FAM169A: variants seen among roughly 807,000 people sequenced by gnomAD.
The protein encoded by FAM169A is soluble lamin-associated protein of 75 kDa.
In FAM169A, 24 loss-of-function variants were observed where a neutral mutation model predicts 75.7. That is an observed-to-expected ratio of 0.32 (90% CI 0.23 to 0.45). FAM169A has a LOEUF of 0.45. Ranked by LOEUF, FAM169A falls within the 20% of genes least tolerant of loss-of-function variation. The pLI is 1.00. For missense variants in FAM169A, 673 were observed against 784.0 expected, an observed-to-expected ratio of 0.86 and a Z score of 1.69; for synonymous variants, 271 against 271.0, an observed-to-expected ratio of 1.00 and a Z score of 0.00.
At chr5:74,796,326 T>A (rs572728253) in intron 10 of FAM169A, 140 bp from the exon 11 acceptor site, 1 of 652,052 alleles carries the variant, frequency 1.5e-6, no homozygotes, top group Admixed American at 3.2e-5. Flanking sequence ...AAAACCAATC[T>A]CTTCATCCTC....
At chr5:74,805,425 A>G in intron 6 of FAM169A, 141 bp from the exon 7 acceptor site, 1 of 500,612 alleles carries the variant, frequency 2.0e-6, no homozygotes, top group South Asian at 4.8e-5. Flanking sequence ...CAACTCAAGT[A>G]TACAGTAGTT....
In FAM169A at chr5:74,816,170, T is replaced by C. The variant is rs527774257; in HGVS notation, c.491-2151A>G. 1.7e-3 allele frequency among the ~76,000 whole-genome samples: 258 copies of C among 152,256 alleles called. 1 individual carries two copies. The highest frequency in any genetic ancestry group is 5.9e-3 in the African/African-American group (245 of 41,542). The stretch of plus-strand genomic sequence containing the variant: ...AATTGAAGGGTTTTCAGAGTAACAA[T>C]AGCAGTGATCATGAAATTAACACAC... On this transcript the variant is annotated intron_variant, in intron 5 of 12. Transcript: ENST00000687041.
At chr5:74,860,472 A>G (rs1024581273) in intron 1 of FAM169A, among the ~76,000 whole-genome samples, 1 of 152,122 alleles carries the variant, frequency 6.6e-6, no homozygotes, top group African/African-American at 2.4e-5. Context: ...CAAGTCCCAA[A>G]TTCAATTGAT....
At chr5:74,811,739 G>T (rs1032213015) in intron 6 of FAM169A, among the ~76,000 whole-genome samples, 24 of 152,128 alleles carry the variant, frequency 1.6e-4, no homozygotes, top group Non-Finnish European at 1.8e-4. Flanking sequence ...ACCCACTAAT[G>T]GTTTTAAATC....
intron 1 of FAM169A, among the ~76,000 whole-genome samples, chr5:74,843,428 G>T (rs916258775): frequency 6.6e-6 from 1 of 152,122 alleles, no homozygotes; most frequent in African/African-American, 2.4e-5. Context: ...CCCTGTCGGA[G>T]ATTAAAACAT....
intron 4 of FAM169A, among the ~76,000 whole-genome samples, chr5:74,835,326 G>A (rs1157503506): frequency 6.6e-6 from 1 of 152,134 alleles, no homozygotes; most frequent in East Asian, 1.9e-4. Context: ...ACACAGGCCA[G>A]TACGGGGACT....
chr5:74,862,492 T>C (rs1400169744), intron 1 of FAM169A, among the ~76,000 whole-genome samples: 1 of 152,228 alleles, frequency 6.6e-6, no homozygotes, highest in East Asian at 1.9e-4. Flanking sequence ...TCACTGCCTC[T>C]GTAAAGCCCT....
chr5:74,792,425 C>T (rs369615504), intron 11 of FAM169A, among the ~76,000 whole-genome samples: 8 of 152,232 alleles, frequency 5.3e-5, no homozygotes, highest in African/African-American at 1.9e-4. Flanking sequence ...ACTGGCTTAG[C>T]CTCCCAGCCT....
In FAM169A at chr5:74,801,047, C is replaced by T; in HGVS notation, c.953-17G>A. ...TATCATGACCTGAGGAGAAAAACAG[C>T]AAAACTGCACTTAATTGATTATATA... On this transcript the variant is annotated splice_polypyrimidine_tract_variant and intron_variant, in intron 9 of 12. Coordinates refer to ENST00000687041, the MANE Select transcript of FAM169A (RefSeq NM_001376049.1). 6.6e-7 allele frequency: 1 copy of T among 1,504,378 alleles called. No individual in the cohort carries two copies. Among genetic ancestry groups the T allele is most frequent in the Non-Finnish European group, 8.9e-7 (1 of 1,126,616 alleles). 93.2% of individuals were successfully genotyped at this position (1,504,378 alleles called of 1,614,324 possible).
chr5:74,781,843 G>A lies in FAM169A; in HGVS notation c.1630C>T (p.Pro544Ser). 1.9e-6 allele frequency: 3 copies of A among 1,614,078 alleles called. No homozygotes were observed. Among genetic ancestry groups the A allele is most frequent in the Non-Finnish European group, 2.5e-6 (3 of 1,180,022 alleles). ...SNEERSDGGF[P>S]NSVIAEFSEE... ...GAAAATTCAGCTATCACAGAGTTTG[G>A]AAAACCACCATCAGATCGTTCTTCA... is the stretch of plus-strand genomic sequence containing the variant. The change falls in exon 13 of 13, where the codon CCA (proline) becomes TCA (serine). Residue 544 changes from proline to serine, a missense_variant. By Grantham distance (74) the Pro-to-Ser change is moderately conservative. This residue lies in a region of FAM169A where 510 missense variants were observed against 550.9 expected (regional missense o/e 0.93). Coordinates refer to ENST00000687041, the MANE Select transcript of FAM169A (RefSeq NM_001376049.1).
chr5:74,850,192 T>A lies in FAM169A; in HGVS notation c.-3-8513A>T, dbSNP rs1351022210. ...CCGAAAAGGAAACAAAGACACAAAG[T>A]GGCTGAGTAACTTGTTCAAGGCCAC... On this transcript the variant is annotated intron_variant, in intron 1 of 12. Coordinates refer to ENST00000687041, the MANE Select transcript of FAM169A (RefSeq NM_001376049.1). Among the ~76,000 whole-genome samples, 3 of 152,290 alleles carry A rather than the reference T, an allele frequency of 2.0e-5. No homozygotes were observed. In the East Asian group the frequency reaches 5.8e-4, roughly 29 times the overall value.
chr5:74,839,408 G>C (rs372566272), intron 3 of FAM169A, among the ~76,000 whole-genome samples: 2 of 151,862 alleles, frequency 1.3e-5, no homozygotes, highest in African/African-American at 2.4e-5. Flanking sequence ...ACACACGTGC[G>C]CACACACTCT....
At chr5:74,795,227 C>T (rs890931776) in intron 11 of FAM169A, among the ~76,000 whole-genome samples, 2 of 152,176 alleles carry the variant, frequency 1.3e-5, no homozygotes, top group Admixed American at 1.3e-4. Context: ...CACTGCACTC[C>T]AGCCTGGGTG....
At chr5:74,857,572 GAAAAAAA>G (rs35476827) in intron 1 of FAM169A, among the ~76,000 whole-genome samples, 5 of 56,308 alleles carry the variant, frequency 8.9e-5, no homozygotes, top group South Asian at 7.9e-4. Context: ...CTTGCCGCGG[GAAAAAAA>G]AAAAAAAAAA....
chr5:74,859,260 C>CAA (rs1749908229), intron 1 of FAM169A, among the ~76,000 whole-genome samples: 2 of 149,428 alleles, frequency 1.3e-5, no homozygotes, highest in South Asian at 4.2e-4. Context: ...CATTAATACA[C>CAA]AAACTAACAA....
chr5:74,838,814 G>A (rs1244243022), intron 4 of FAM169A, 151 bp downstream of exon 4: 31 of 666,310 alleles, frequency 4.7e-5, no homozygotes, highest in East Asian at 3.8e-4. Context: ...AGCCCAACCC[G>A]AATGCTGGCT....
At chr5:74,862,276 G>A (rs1750076760) in intron 1 of FAM169A, among the ~76,000 whole-genome samples, 1 of 152,204 alleles carries the variant, frequency 6.6e-6, no homozygotes, top group African/African-American at 2.4e-5. Flanking sequence ...TCACCATGGA[G>A]CAAAACTCAT....
At chr5:74,816,469 C>T (rs188659808) in intron 5 of FAM169A, among the ~76,000 whole-genome samples, 204 of 152,266 alleles carry the variant, frequency 1.3e-3, no homozygotes, top group African/African-American at 4.8e-3. Context: ...ATGGAACAAG[C>T]AGTGTGTTCA....
At chr5:74,814,357 C>G (rs1442874979) in intron 5 of FAM169A, among the ~76,000 whole-genome samples, 2 of 152,066 alleles carry the variant, frequency 1.3e-5, no homozygotes, top group African/African-American at 2.4e-5. Flanking sequence ...AACTCATCAA[C>G]TATTAAAATT....
Sources: allele counts gnomAD v4.1 joint callset (sites outside exome capture counted in the v4.1 genomes callset), GRCh38; gene constraint gnomAD v4.1.1; regional missense constraint gnomAD v4.1.1; transcripts MANE v1.5; gene names NCBI Gene and HGNC (gene_info 2026-07-23, HGNC 2026-07-21).